PRKCH: variants seen among roughly 807,000 people sequenced by gnomAD.
PRKCH encodes protein kinase C eta type.
Under a neutral mutation model 82.5 loss-of-function variants are expected in PRKCH, and 28 were observed. The ratio of observed to expected loss-of-function variants is 0.34; its 90% CI spans 0.25 to 0.47. The LOEUF (loss-of-function observed/expected upper bound fraction) is 0.47, where lower values mean the gene tolerates loss of function less well. Among genes scored for constraint, PRKCH ranks in the 20% least tolerant of loss-of-function variants. The pLI is 1.00. For missense variants in PRKCH, 705 were observed against 881.8 expected (o/e 0.80, Z 2.54); for synonymous variants, 322 against 327.4 (o/e 0.98, Z 0.18).
At chr14:61,431,369 G>A (rs1011836782) in intron 2 of PRKCH, among the ~76,000 whole-genome samples, 36 of 152,122 alleles carry the variant, frequency 2.4e-4, no homozygotes, top group South Asian at 2.1e-4. Context: ...CAGGGTCCTC[G>A]GATCTCTCAA....
At chr14:61,259,636 A>G (rs2045029150) in intron 1 of PRKCH, among the ~76,000 whole-genome samples, 1 of 152,210 alleles carries the variant, frequency 6.6e-6, no homozygotes, top group Non-Finnish European at 1.5e-5. Context: ...TACACATTAT[A>G]CTGTGAGAAA....
intron 9 of PRKCH, among the ~76,000 whole-genome samples, chr14:61,484,637 G>A (rs1445281787): frequency 1.3e-5 from 2 of 151,988 alleles, no homozygotes; most frequent in Non-Finnish European, 2.9e-5. Context: ...TACCTGCTAG[G>A]TTGAGAGTCA....
chr14:61,270,254 G>C (rs1309965057), intron 1 of PRKCH, among the ~76,000 whole-genome samples: 2 of 151,900 alleles, frequency 1.3e-5, no homozygotes, highest in Non-Finnish European at 2.9e-5. Context: ...GATCACTTGA[G>C]GCCAGGGGTT....
At chr14:61,285,189 G>A (rs1199329610) in intron 1 of PRKCH, among the ~76,000 whole-genome samples, 1 of 152,162 alleles carries the variant, frequency 6.6e-6, no homozygotes, top group Non-Finnish European at 1.5e-5. Flanking sequence ...TAAAGGTGAA[G>A]CTCTTTAAAA....
intron 2 of PRKCH, among the ~76,000 whole-genome samples, chr14:61,434,717 T>A (rs1409894095): frequency 6.6e-6 from 1 of 152,124 alleles, no homozygotes; most frequent in Admixed American, 6.5e-5. Flanking sequence ...CTTGAAGAAG[T>A]CTACAGAAAG....
At chr14:61,240,653 C>A (rs979839552) in intron 1 of PRKCH, among the ~76,000 whole-genome samples, 1 of 150,086 alleles carries the variant, frequency 6.7e-6, no homozygotes, top group African/African-American at 2.5e-5. Flanking sequence ...CCACCGAGAA[C>A]CTTCACCCTT....
intron 12 of PRKCH, among the ~76,000 whole-genome samples, chr14:61,536,164 G>T (rs529001680): frequency 7.9e-6 from 1 of 126,572 alleles, no homozygotes; most frequent in South Asian, 2.7e-4. Context: ...CCTGGCCTGG[G>T]AGTCTATGTC....
chr14:61,461,079 C>T (rs576312767), intron 9 of PRKCH, among the ~76,000 whole-genome samples: 9 of 152,278 alleles, frequency 5.9e-5, no homozygotes, highest in East Asian at 1.9e-4. Flanking sequence ...GGCTCCCCTG[C>T]GCGCCTCTCC....
intron 1 of PRKCH, among the ~76,000 whole-genome samples, chr14:61,267,752 T>G (rs1459561768): frequency 1.3e-5 from 2 of 152,188 alleles, no homozygotes; most frequent in African/African-American, 4.8e-5. Context: ...TTCAAAAGCA[T>G]TTTTTCCACT....
chr14:61,406,196 GAA>G (rs35265528), intron 2 of PRKCH, among the ~76,000 whole-genome samples: 3 of 149,626 alleles, frequency 2.0e-5, no homozygotes, highest in Non-Finnish European at 3.0e-5. Context: ...ACACATACAG[GAA>G]AAAAAAAATG....
chr14:61,353,305 A>G (rs554341865), intron 1 of PRKCH, among the ~76,000 whole-genome samples: 1 of 152,348 alleles, frequency 6.6e-6, no homozygotes, highest in South Asian at 2.1e-4. Flanking sequence ...ATAATTTTAT[A>G]ATCAGAAAAA....
chr14:61,313,453 A>G (rs1385797682), intron 1 of PRKCH, among the ~76,000 whole-genome samples: 1 of 152,214 alleles, frequency 6.6e-6, no homozygotes, highest in Admixed American at 6.5e-5. Flanking sequence ...TCAGAATTAA[A>G]GAATTTTAAA....
At chr14:61,309,121 G>C (rs1250571268) in intron 1 of PRKCH, among the ~76,000 whole-genome samples, 1 of 151,878 alleles carries the variant, frequency 6.6e-6, no homozygotes, top group African/African-American at 2.4e-5. Flanking sequence ...CGCCTCTACA[G>C]AAAAATACAA....
At position 61,418,074 on chromosome 14, in the gene PRKCH, T is replaced by A. The variant is rs140044674; in HGVS notation, c.428-25037T>A. 2.9e-3 allele frequency among the ~76,000 whole-genome samples: 444 copies of A among 152,366 alleles called. 4 individuals carry two copies. Among genetic ancestry groups the A allele is most frequent in the South Asian group, 0.018 (88 of 4,830 alleles). On this transcript the variant is annotated intron_variant, in intron 2 of 13. Transcript: ENST00000332981. ...ATACGGAATAGTTCCTGGAGAAAGA[T>A]CTAACATCTGCGCAGGTCTATCCTG...
At chr14:61,229,388 G>A (rs2044723178) in intron 1 of PRKCH, among the ~76,000 whole-genome samples, 1 of 152,160 alleles carries the variant, frequency 6.6e-6, no homozygotes, top group South Asian at 2.1e-4. Flanking sequence ...GCTTTTAGCT[G>A]CCTGAATAAA....
At chr14:61,545,535 AGTTT>A (rs1009221834) in intron 12 of PRKCH, among the ~76,000 whole-genome samples, 3 of 152,006 alleles carry the variant, frequency 2.0e-5, no homozygotes, top group Non-Finnish European at 2.9e-5. Context: ...ATTGAATCAA[AGTTT>A]GTTTGTGTGT....
chr14:61,369,598 A>G (rs1452051995), intron 1 of PRKCH, among the ~76,000 whole-genome samples: 4 of 152,110 alleles, frequency 2.6e-5, no homozygotes, highest in Admixed American at 2.6e-4. Context: ...TTTACACAAT[A>G]TAAGTTCCTG....
chr14:61,296,580 C>G (rs1334934963), intron 1 of PRKCH, among the ~76,000 whole-genome samples: 1 of 152,190 alleles, frequency 6.6e-6, no homozygotes, highest in Admixed American at 6.5e-5. Context: ...GCCCCATAAT[C>G]TCCTCTGTCT....
chr14:61,462,658 T>G (rs936314919), intron 9 of PRKCH, among the ~76,000 whole-genome samples: 5 of 152,260 alleles, frequency 3.3e-5, no homozygotes, highest in Non-Finnish European at 7.3e-5. Flanking sequence ...AGATGCTTAC[T>G]TTTTAGCTGC....
Sources: allele counts gnomAD v4.1 joint callset (sites outside exome capture counted in the v4.1 genomes callset), GRCh38; gene constraint gnomAD v4.1.1; transcripts MANE v1.5; gene names NCBI Gene and HGNC (gene_info 2026-07-23, HGNC 2026-07-21).